The following PSD3 variants were observed in gnomAD, a reference collection of about 807,000 sequenced individuals.
PSD3 encodes pleckstrin and Sec7 domain containing 3.
PSD3 carries 49 observed loss-of-function variants against 105.5 expected under a neutral mutation model. The ratio of observed to expected loss-of-function variants is 0.46; its 90% CI spans 0.37 to 0.59. PSD3 has a LOEUF of 0.59. PSD3 is among the 20% of genes least tolerant of loss of function. The probability of loss-of-function intolerance (pLI) is 0.00; values close to 1 mark genes in which losing one functional copy is unlikely to be tolerated. For synonymous variants in PSD3, 557 were observed against 457.8 expected, an observed-to-expected ratio of 1.22 and a Z score of -2.77; for missense variants, 1,561 against 1,263.8, an observed-to-expected ratio of 1.24 and a Z score of -3.57.
At chr8:18,943,704 CT>C (rs1822695963) in intron 1 of PSD3, among the ~76,000 whole-genome samples, 1 of 151,826 alleles carries the variant, frequency 6.6e-6, no homozygotes, top group Admixed American at 6.6e-5. Context: ...CCCTCCCCTA[CT>C]CAGGTAAAAC....
intron 1 of PSD3, among the ~76,000 whole-genome samples, chr8:18,954,732 C>G (rs1458133853): frequency 6.6e-6 from 1 of 152,074 alleles, no homozygotes; most frequent in African/African-American, 2.4e-5. Flanking sequence ...AAACCTCACC[C>G]CAAATATTCT....
At position 18,918,540 on chromosome 8, in the gene PSD3, T is replaced by C. The variant is rs376898562; in HGVS notation, c.130+17494A>G. Among the ~76,000 whole-genome samples the C allele has an allele frequency of 7.9e-5, 12 of 152,302 alleles. No individual in the cohort carries two copies. The East Asian group carries it at 1.4e-3, about 17-fold the overall frequency. On this transcript the variant is annotated intron_variant, in intron 2 of 15. Transcript: ENST00000327040. Reference sequence around the variant, plus strand: ...ACTACAGGTATTCACTGAATGCGTGTTGAAAAAGTAAATACTTCCAGGAAT... The same window carrying C: ...ACTACAGGTATTCACTGAATGCGTGCTGAAAAAGTAAATACTTCCAGGAAT...
intron 2 of PSD3, among the ~76,000 whole-genome samples, chr8:18,901,794 T>C (rs1444392404): frequency 6.6e-6 from 1 of 152,228 alleles, no homozygotes; most frequent in Non-Finnish European, 1.5e-5. Flanking sequence ...ATAGCTTTGC[T>C]GGGCATAGTA....
intron 12 of PSD3, among the ~76,000 whole-genome samples, chr8:18,591,552 C>A (rs1585323140): frequency 6.6e-6 from 1 of 152,158 alleles, no homozygotes; most frequent in Non-Finnish European, 1.5e-5. Context: ...TCTTTCTCAC[C>A]TCACTCACAG....
intron 11 of PSD3, among the ~76,000 whole-genome samples, chr8:18,606,314 GTAGGCCACC>G (rs1489189677): frequency 6.6e-5 from 10 of 151,656 alleles, no homozygotes; most frequent in African/African-American, 2.4e-4. Context: ...TTCAGTACTG[GTAGGCCACC>G]TAGATCCAAA....
chr8:18,871,048 G>A (rs6997057), intron 3 of PSD3, among the ~76,000 whole-genome samples: 29,844 of 152,094 alleles, frequency 0.2, 3,040 homozygotes, highest in South Asian at 0.28. Context: ...GCAGTGAGCC[G>A]TGATCACACC....
chr8:18,766,751 G>A (rs1442783982), intron 8 of PSD3, among the ~76,000 whole-genome samples: 1 of 152,226 alleles, frequency 6.6e-6, no homozygotes, highest in African/African-American at 2.4e-5. Flanking sequence ...GGGGCAGCCA[G>A]AATATCAACA....
chr8:18,758,923 A>G (rs981252443), intron 9 of PSD3, among the ~76,000 whole-genome samples: 31 of 152,276 alleles, frequency 2.0e-4, no homozygotes, highest in African/African-American at 7.0e-4. Flanking sequence ...GGGAAAACAA[A>G]TGTATTTGAA....
At chr8:18,828,318 C>G (rs1056964993) in intron 4 of PSD3, among the ~76,000 whole-genome samples, 2 of 151,900 alleles carry the variant, frequency 1.3e-5, no homozygotes, top group African/African-American at 4.8e-5. Flanking sequence ...GTTGCTGGTT[C>G]TTCCATTGAA....
At chr8:19,004,719 C>T (rs1826568520) in intron 1 of PSD3, among the ~76,000 whole-genome samples, 1 of 152,046 alleles carries the variant, frequency 6.6e-6, no homozygotes, top group South Asian at 2.1e-4. Flanking sequence ...AATCGGAACT[C>T]CCACAATTCC....
In PSD3 at chr8:18,557,017, G is replaced by A. The variant is rs184030176; in HGVS notation, c.2785-665C>T. On this transcript the variant is annotated intron_variant, in intron 14 of 15. Transcript: ENST00000327040. Reference sequence around the variant, plus strand: ...CCTTAGTAGCATTATTATAGGTACCGTGTACCAATGCAATATGGTTGATCC... The same window carrying A: ...CCTTAGTAGCATTATTATAGGTACCATGTACCAATGCAATATGGTTGATCC... 3.3e-5 allele frequency among the ~76,000 whole-genome samples: 5 copies of A among 152,276 alleles called. No individual in the cohort carries two copies. The East Asian group carries it at 9.6e-4, about 29-fold the overall frequency.
At chr8:18,962,234 G>C (rs1049704130) in intron 1 of PSD3, among the ~76,000 whole-genome samples, 1 of 151,710 alleles carries the variant, frequency 6.6e-6, no homozygotes. Context: ...TGACAAGAGC[G>C]AGACTCCATC....
chr8:18,538,989 C>A (rs557360757), intron 15 of PSD3, among the ~76,000 whole-genome samples: 1 of 152,118 alleles, frequency 6.6e-6, no homozygotes, highest in Non-Finnish European at 1.5e-5. Context: ...AGTTTGCAAA[C>A]GCCGTGCCCC....
At chr8:18,664,179 C>A (rs1809551230) in intron 9 of PSD3, among the ~76,000 whole-genome samples, 1 of 152,180 alleles carries the variant, frequency 6.6e-6, no homozygotes, top group Admixed American at 6.5e-5. Context: ...CACTTTAAAT[C>A]AAAAGCTAGA....
At chr8:18,718,194 G>A (rs149553370) in intron 9 of PSD3, among the ~76,000 whole-genome samples, 2 of 152,148 alleles carry the variant, frequency 1.3e-5, no homozygotes, top group African/African-American at 2.4e-5. Context: ...CCTCAACAAG[G>A]TTACCTTGTA....
intron 2 of PSD3, among the ~76,000 whole-genome samples, chr8:18,917,368 T>C (rs1330228321): frequency 6.6e-6 from 1 of 152,206 alleles, no homozygotes; most frequent in East Asian, 1.9e-4. Context: ...ATTTTCAGCC[T>C]TTCTCTTACA....
chr8:18,670,848 C>A (rs17644644), intron 9 of PSD3, among the ~76,000 whole-genome samples: 4,957 of 152,148 alleles, frequency 0.033, 139 homozygotes, highest in East Asian at 0.14. Context: ...TGACTGACTC[C>A]GGACACAGCA....
intron 4 of PSD3, among the ~76,000 whole-genome samples, chr8:18,812,329 G>T (rs1811768383): frequency 6.6e-6 from 1 of 152,180 alleles, no homozygotes; most frequent in Non-Finnish European, 1.5e-5. Flanking sequence ...CGACTTTGTT[G>T]TTTAAAGGCC....
At chr8:18,868,192 T>C in intron 3 of PSD3, 123 bp from the exon 4 acceptor site, 1 of 1,131,982 alleles carries the variant, frequency 8.8e-7, no homozygotes, top group South Asian at 1.7e-5. Context: ...GACTTATATC[T>C]TAACATATTT....
Sources: gnomAD v4.1 joint callset for allele counts (sites outside exome capture counted in the v4.1 genomes callset) on GRCh38, gnomAD v4.1.1 for gene constraint, MANE v1.5 for transcripts, NCBI Gene and HGNC (gene_info 2026-07-23, HGNC 2026-07-21) for gene names.